Variants in SLC25A6 observed in about 807,000 individuals in gnomAD.
The protein encoded by SLC25A6 is solute carrier family 25 member 6, also known as ADP/ATP translocase 3.
In SLC25A6, 9 loss-of-function variants were observed where a neutral mutation model predicts 25.7. That is an observed-to-expected ratio of 0.35 (90% CI 0.21 to 0.61). The LOEUF (loss-of-function observed/expected upper bound fraction) is 0.61. Ranked by LOEUF, SLC25A6 falls within the 20% of genes least tolerant of loss-of-function variation. The pLI is 0.76. For missense variants in SLC25A6, 404 were observed against 440.5 expected (o/e 0.92, Z 0.74); for synonymous variants, 223 against 197.0 (o/e 1.13, Z -1.11).
intron 2 of SLC25A6, among the ~76,000 whole-genome samples, chrX:1,388,629 A>G (rs1179880577): frequency 2.4e-5 from 3 of 125,156 alleles, no homozygotes; most frequent in Non-Finnish European, 5.2e-5. Flanking sequence ...CTGAGAAGAC[A>G]GCATCTCCAA....
Position 1,386,347 on chromosome X carries a change from G to A in SLC25A6, c.*255C>T, listed in dbSNP as rs2089323287. 2.2e-6 allele frequency: 1 copy of A among 454,768 alleles called. No homozygotes were observed. The highest frequency in any genetic ancestry group is 3.8e-6 in the Non-Finnish European group (1 of 262,306). 28.2% of individuals were successfully genotyped at this position (454,768 alleles called of 1,614,324 possible). On this transcript the variant is annotated 3_prime_UTR_variant, in exon 4 of 4. Transcript: ENST00000381401. ...GGACTCTAGGTCTCAGTACTGGAGTGTCTCACCCATGGGCCCCACGCAGGG... is the reference window on the plus strand; with the variant it reads ...GGACTCTAGGTCTCAGTACTGGAGTATCTCACCCATGGGCCCCACGCAGGG...
intron 1 of SLC25A6, among the ~76,000 whole-genome samples, chrX:1,390,708 A>G (rs1416326188): frequency 1.3e-5 from 2 of 149,736 alleles, no homozygotes; most frequent in Non-Finnish European, 3.0e-5. Context: ...AAATTTTCTT[A>G]GAGACGGGGT....
Position 1,386,372 on chromosome X carries a change from G to A in SLC25A6, c.*230C>T, listed in dbSNP as rs142046504. The A allele has an allele frequency of 0.018, 8,738 of 498,664 alleles. 99 individuals are homozygous for A. The highest frequency in any genetic ancestry group is 0.022 in the Non-Finnish European group (6,541 of 297,838). 30.9% of individuals were successfully genotyped at this position (498,664 alleles called of 1,614,324 possible). On this transcript the variant is annotated 3_prime_UTR_variant, in exon 4 of 4. Coordinates refer to ENST00000381401, the MANE Select transcript of SLC25A6 (RefSeq NM_001636.4). ...GTCTCACCCATGGGCCCCACGCAGGGACGCCACGGTTCCCTCCCACCCCGT... is the reference window on the plus strand; with the variant it reads ...GTCTCACCCATGGGCCCCACGCAGGAACGCCACGGTTCCCTCCCACCCCGT...
intron 1 of SLC25A6, among the ~76,000 whole-genome samples, chrX:1,391,166 T>C (rs1158216739): frequency 9.2e-5 from 14 of 151,924 alleles, no homozygotes; most frequent in African/African-American, 3.4e-4. Flanking sequence ...GGTCTTGCTG[T>C]GTGGCCCCGG....
At chrX:1,387,161 T>A in intron 3 of SLC25A6, 118 bp downstream of exon 3, 1 of 1,284,730 alleles carries the variant, frequency 7.8e-7, no homozygotes, top group Non-Finnish European at 1.1e-6. Context: ...CGGACACACT[T>A]GCTTGTCTCA....
rs2089337641 is a variant in SLC25A6, at chrX:1,387,270, C to CG, written c.739+8_739+9insC. 6.2e-7 allele frequency: 1 copy of CG among 1,610,622 alleles called. No individual in the cohort carries two copies. Among genetic ancestry groups the CG allele is most frequent in the African/African-American group, 1.3e-5 (1 of 74,856 alleles). The stretch of plus-strand genomic sequence containing the variant: ...CCCGGCAGCAAGGGTCCCCCGCCCC[C>CG]CCGAGTACCTCCTTTGCGCCCGGAC... On this transcript the variant is annotated intron_variant, in intron 3 of 3. Coordinates refer to ENST00000381401, the MANE Select transcript of SLC25A6 (RefSeq NM_001636.4).
intron 3 of SLC25A6, 32 bp downstream of exon 3, chrX:1,387,247 C>A: frequency 1.2e-6 from 2 of 1,606,632 alleles, no homozygotes; most frequent in Non-Finnish European, 1.7e-6. Flanking sequence ...TTCCCCTTCC[C>A]GGCAGCAAGG....
intron 2 of SLC25A6, among the ~76,000 whole-genome samples, chrX:1,388,959 A>G (rs2089364296): frequency 7.2e-6 from 1 of 139,306 alleles, no homozygotes; most frequent in Non-Finnish European, 1.5e-5. Flanking sequence ...AGGAAAATCA[A>G]TGTCTGTTGT....
Position 1,389,481 on chromosome X carries a change from C to A in SLC25A6, c.358G>T (p.Gly120Cys). 6.2e-7 allele frequency: 1 copy of A among 1,614,050 alleles called. No homozygotes were observed. Among genetic ancestry groups the A allele is most frequent in the Non-Finnish European group, 8.5e-7 (1 of 1,179,986 alleles). Residue 120 changes from glycine (G) to cysteine (C), a missense_variant, in exon 2 of 4, where the codon GGC (glycine) becomes TGC (cysteine). Physicochemically the swap from Gly to Cys is radical, Grantham distance 159. Coordinates refer to ENST00000381401, the MANE Select transcript of SLC25A6 (RefSeq NM_001636.4). ...WRYFAGNLASGGAAGATSLCF... is the reference protein window; with the variant it reads ...WRYFAGNLASCGAAGATSLCF... ...AGGGAGGTCGCGCCGGCCGCACCGCCGGAGGCCAGGTTGCCCGCAAAGTAC... is the reference window on the plus strand; with the variant it reads ...AGGGAGGTCGCGCCGGCCGCACCGCAGGAGGCCAGGTTGCCCGCAAAGTAC...
intron 1 of SLC25A6, 125 bp from the exon 2 acceptor site, chrX:1,389,852 T>C: frequency 2.0e-6 from 3 of 1,468,068 alleles, no homozygotes; most frequent in South Asian, 2.6e-5. Flanking sequence ...TGCAATGGGG[T>C]GATCAAGTGA....
chrX:1,391,932 C>T lies in SLC25A6; in HGVS notation c.78G>A (p.Val26=). The change falls in exon 1 of 4, where the codon GTG becomes GTA. Residue 26 remains valine, a synonymous_variant. Coordinates refer to ENST00000381401, the MANE Select transcript of SLC25A6 (RefSeq NM_001636.4). The part of the protein sequence containing the change: ...GIAAAISKTA[V]APIERVKLLL... Reference sequence around the variant, plus strand: ...GCAGCTTGACCCGCTCGATCGGAGCCACGGCCGTCTTGGAGATGGCGGCGG... The same window carrying T: ...GCAGCTTGACCCGCTCGATCGGAGCTACGGCCGTCTTGGAGATGGCGGCGG... 6.2e-7 allele frequency: 1 copy of T among 1,609,350 alleles called. No individual in the cohort carries two copies. The highest frequency in any genetic ancestry group is 8.5e-7 in the Non-Finnish European group (1 of 1,178,842).
In SLC25A6 at chrX:1,386,605, G is replaced by C. The variant is rs1141628; in HGVS notation, c.894C>G (p.Ile298Met). ...TGTGTGGAGGAGGCCGCGGCCCTTA[G>C]ATCACCTTCTTGAGCTCGTCGTACA... Reference protein sequence around the residue: ...LVLYDELKKVI With the variant: ...LVLYDELKKVM The change falls in exon 4 of 4, where the codon ATC becomes ATG. Residue 298 changes from isoleucine (I) to methionine (M), a missense_variant. By Grantham distance (10) the Ile-to-Met change is conservative. Transcript: ENST00000381401. 6.4e-7 allele frequency: 1 copy of C among 1,561,248 alleles called. No individual in the cohort carries two copies. The highest frequency in any genetic ancestry group is 8.6e-7 in the Non-Finnish European group (1 of 1,157,060).
intron 3 of SLC25A6, 112 bp downstream of exon 3, chrX:1,387,167 T>C: frequency 7.5e-7 from 1 of 1,338,284 alleles, no homozygotes; most frequent in Admixed American, 2.0e-5. Flanking sequence ...CACTTGCTTG[T>C]CTCACACGCC....
chrX:1,391,749 C>G, intron 1 of SLC25A6, 150 bp downstream of exon 1: 7 of 595,746 alleles, frequency 1.2e-5, no homozygotes, highest in Middle Eastern at 9.1e-4. Flanking sequence ...CGTGACGCGG[C>G]CCCCGGAAGC....
rs6644950 is a variant in SLC25A6, at chrX:1,387,331, G to A, written c.687C>T (p.Tyr229=). 22,693 of 1,613,348 alleles carry A rather than the reference G, an allele frequency of 0.014. 481 individuals are homozygous for A. The highest frequency in any genetic ancestry group is 0.12 in the East Asian group (5,243 of 44,850). ...TGCGCCGCCGCACCGTGTCGAAGGG[G>A]TAGGACACCACGCCGGCCACGGCCG... ...TVTAVAGVVS[Y]PFDTVRRRMM... Residue 229 remains tyrosine (Y), a synonymous_variant, in exon 3 of 4, where the codon TAC becomes TAT. Coordinates refer to ENST00000381401, the MANE Select transcript of SLC25A6 (RefSeq NM_001636.4).
In SLC25A6 at chrX:1,391,931, C is replaced by T; in HGVS notation, c.79G>A (p.Ala27Thr). Residue 27 changes from alanine to threonine, a missense_variant, in exon 1 of 4, where the codon GCT becomes ACT. Transcript: ENST00000381401. Reference sequence around the variant, plus strand: ...AGCAGCTTGACCCGCTCGATCGGAGCCACGGCCGTCTTGGAGATGGCGGCG... The same window carrying T: ...AGCAGCTTGACCCGCTCGATCGGAGTCACGGCCGTCTTGGAGATGGCGGCG... ...IAAAISKTAVAPIERVKLLLQ... is the reference protein window; with the variant it reads ...IAAAISKTAVTPIERVKLLLQ... The T allele has an allele frequency of 1.2e-6, 2 of 1,609,170 alleles. No homozygotes were observed. Among genetic ancestry groups the T allele is most frequent in the Non-Finnish European group, 1.7e-6 (2 of 1,178,808 alleles).
chrX:1,387,477 G>T, intron 2 of SLC25A6, 58 bp from the exon 3 acceptor site: 2 of 1,599,040 alleles, frequency 1.3e-6, no homozygotes, highest in Non-Finnish European at 1.7e-6. Context: ...CGAGACCAGG[G>T]TCGGCCCCCA....
intron 1 of SLC25A6, among the ~76,000 whole-genome samples, chrX:1,391,371 A>G (rs1230355467): frequency 6.6e-6 from 1 of 152,194 alleles, no homozygotes; most frequent in African/African-American, 2.4e-5. Flanking sequence ...GCCTCTCCCA[A>G]AAGACAAAAA....
intron 2 of SLC25A6, among the ~76,000 whole-genome samples, chrX:1,388,404 G>T (rs1432036524): frequency 4.1e-4 from 60 of 146,968 alleles, no homozygotes; most frequent in African/African-American, 1.5e-3. Flanking sequence ...AGGACACAGG[G>T]AAGACGGAGT....
Sources: allele counts gnomAD v4.1 joint callset (sites outside exome capture counted in the v4.1 genomes callset), GRCh38; gene constraint gnomAD v4.1.1; transcripts MANE v1.5; gene names NCBI Gene and HGNC (gene_info 2026-07-23, HGNC 2026-07-21).